The following VPS54 variants were observed in gnomAD, a reference collection of about 807,000 sequenced individuals.
VPS54 encodes the protein vacuolar protein sorting-associated protein 54.
Under a neutral mutation model 121.5 loss-of-function variants are expected in VPS54, and 45 were observed. The observed-to-expected ratio is 0.37, with a 90% CI of 0.29 to 0.47. VPS54 has a LOEUF of 0.47. Ranked by LOEUF, VPS54 falls within the 20% of genes least tolerant of loss-of-function variation. The probability of loss-of-function intolerance (pLI) is 0.99; values close to 1 mark genes in which losing one functional copy is unlikely to be tolerated. For synonymous variants in VPS54, 371 were observed against 385.8 expected (o/e 0.96, Z 0.45); for missense variants, 1,090 against 1,131.4 (o/e 0.96, Z 0.52).
intron 1 of VPS54, among the ~76,000 whole-genome samples, chr2:64,002,384 G>T (rs948120743): frequency 6.6e-6 from 1 of 152,148 alleles, no homozygotes; most frequent in Admixed American, 6.5e-5. Context: ...CTATGGAGGG[G>T]GACATCCAGT....
intron 11 of VPS54, among the ~76,000 whole-genome samples, chr2:63,940,402 T>A: frequency 6.6e-6 from 1 of 152,322 alleles, no homozygotes; most frequent in South Asian, 2.1e-4. Context: ...AAATTACAAC[T>A]ATAATCAATC....
At chr2:64,018,368 CGG>C (rs1678809162) in intron 1 of VPS54, among the ~76,000 whole-genome samples, 1 of 152,080 alleles carries the variant, frequency 6.6e-6, no homozygotes, top group African/African-American at 2.4e-5. Flanking sequence ...AAGTCAACGA[CGG>C]GAGAGCAGAA....
At chr2:63,924,062 G>C (rs1477807220) in intron 12 of VPS54, among the ~76,000 whole-genome samples, 1 of 152,192 alleles carries the variant, frequency 6.6e-6, no homozygotes, top group Non-Finnish European at 1.5e-5. Flanking sequence ...TGCTGTAGGA[G>C]GATGCAATTG....
At chr2:63,913,345 A>G in intron 17 of VPS54, 35 bp from the exon 18 acceptor site, 1 of 1,523,116 alleles carries the variant, frequency 6.6e-7, no homozygotes, top group Non-Finnish European at 9.0e-7. Flanking sequence ...CCCAAAATTT[A>G]CTAAAAACTG....
At chr2:63,987,979 GA>G (rs1286004226) in intron 1 of VPS54, among the ~76,000 whole-genome samples, 1 of 152,086 alleles carries the variant, frequency 6.6e-6, no homozygotes, top group East Asian at 1.9e-4. Context: ...AGGATAATTT[GA>G]CTCCTTCCTT....
rs1287561824 is a variant in VPS54, at chr2:63,892,959, T to C, written c.*471A>G. On this transcript the variant is annotated 3_prime_UTR_variant, in exon 23 of 23. Transcript: ENST00000272322. The stretch of plus-strand genomic sequence containing the variant: ...AAAGATCTGTAAAAAAATAATAATT[T>C]TTCAAACAGCTTTACTTTCATAGAG... 6.5e-6 allele frequency: 1 copy of C among 153,238 alleles called. No homozygotes were observed. Among genetic ancestry groups the C allele is most frequent in the Non-Finnish European group, 1.5e-5 (1 of 68,494 alleles). 9.5% of individuals were successfully genotyped at this position (153,238 alleles called of 1,614,324 possible).
chr2:63,903,161 C>T (rs774618839), intron 20 of VPS54, among the ~76,000 whole-genome samples: 3 of 152,124 alleles, frequency 2.0e-5, no homozygotes, highest in Non-Finnish European at 2.9e-5. Context: ...ACACACAGAA[C>T]TTAGACACAT....
At position 63,920,481 on chromosome 2, in the gene VPS54, T is replaced by A; in HGVS notation, c.2016A>T (p.Val672=). ...GALQSQAIKF[V]NRFHEERKTK... ...TTTTTCTCTCTTCATGAAACCTATTTACAAACTTAATAGCTTGGCTCTGAA... is the reference window on the plus strand; with the variant it reads ...TTTTTCTCTCTTCATGAAACCTATTAACAAACTTAATAGCTTGGCTCTGAA... Residue 672 remains valine (V), a synonymous_variant, in exon 14 of 23, where the codon GTA becomes GTT. Coordinates refer to ENST00000272322, the MANE Select transcript of VPS54 (RefSeq NM_016516.3). 6.4e-7 allele frequency: 1 copy of A among 1,565,994 alleles called. No individual in the cohort carries two copies. The highest frequency in any genetic ancestry group is 8.6e-7 in the Non-Finnish European group (1 of 1,157,128).
intron 21 of VPS54, among the ~76,000 whole-genome samples, chr2:63,899,265 A>T (rs1672574238): frequency 6.6e-6 from 1 of 152,234 alleles, no homozygotes; most frequent in Non-Finnish European, 1.5e-5. Context: ...TAATATAGTA[A>T]AGCTCTAGCT....
At chr2:63,904,810 A>T (rs1207254301) in intron 20 of VPS54, among the ~76,000 whole-genome samples, 1 of 152,230 alleles carries the variant, frequency 6.6e-6, no homozygotes, top group Non-Finnish European at 1.5e-5. Flanking sequence ...CTGGGCCACA[A>T]AAGAAATCTT....
intron 20 of VPS54, among the ~76,000 whole-genome samples, chr2:63,909,886 G>A (rs754980522): frequency 6.6e-5 from 10 of 150,838 alleles, no homozygotes; most frequent in South Asian, 4.2e-4. Context: ...CACCACGCCT[G>A]GCTAATTTTT....
At chr2:63,972,851 C>A (rs1676348168) in intron 3 of VPS54, among the ~76,000 whole-genome samples, 1 of 151,170 alleles carries the variant, frequency 6.6e-6, no homozygotes, top group South Asian at 2.1e-4. Context: ...GCACTCCAGC[C>A]TGGGTGGCAG....
rs553362924 is a variant in VPS54 at position 63,926,850 on chromosome 2, G to A, written c.1740-5515C>T. On this transcript the variant is annotated intron_variant, in intron 12 of 22. Coordinates refer to ENST00000272322, the MANE Select transcript of VPS54 (RefSeq NM_016516.3). ...GGAGATCCCCTCCCGTGCCTGGCTC[G>A]GTGGGTCCCACACCCACGGAGCCTT... is the stretch of plus-strand genomic sequence containing the variant. Among the ~76,000 whole-genome samples the A allele has an allele frequency of 3.3e-4, 51 of 152,242 alleles. 1 individual carries two copies. The highest frequency in any genetic ancestry group is 8.2e-4 in the African/African-American group (34 of 41,548).
rs774237097 is a variant in VPS54, at chr2:63,912,699, A to AT, written c.2423-39_2423-38insA. ...GGAGTAGATATATAATGGAGAAATAAAAAAAAAAAAGGTATTAGTTGATTT... is the reference window on the plus strand; with the variant it reads ...GGAGTAGATATATAATGGAGAAATAATAAAAAAAAAAGGTATTAGTTGATTT... On this transcript the variant is annotated intron_variant, in intron 18 of 22. Transcript: ENST00000272322. 186 of 1,437,720 alleles carry AT rather than the reference A, an allele frequency of 1.3e-4. 1 individual carries two copies. Among genetic ancestry groups the AT allele is most frequent in the African/African-American group, 5.0e-4 (33 of 66,654 alleles). The allele number at this position is 1,437,720 out of a possible 1,614,324, so 89.1% of individuals were successfully genotyped here.
chr2:64,003,043 T>G (rs919977515), intron 1 of VPS54, among the ~76,000 whole-genome samples: 11 of 152,170 alleles, frequency 7.2e-5, no homozygotes, highest in Admixed American at 7.2e-4. Context: ...ACATGGCATC[T>G]GAATCACAAA....
rs377192534 is a variant in VPS54, at chr2:63,921,318, T to C, written c.1757A>G (p.Lys586Arg). 1.4e-5 allele frequency: 22 copies of C among 1,612,456 alleles called. No homozygotes were observed. The highest frequency in any genetic ancestry group is 1.8e-5 in the Non-Finnish European group (21 of 1,179,184). The change falls in exon 13 of 23, where the codon AAA becomes AGA. Residue 586 changes from lysine to arginine, a missense_variant. Physicochemically the swap from Lys to Arg is conservative, Grantham distance 26. This residue lies in a region of VPS54 where 801 missense variants were observed against 757.0 expected (regional missense o/e 1.06). Coordinates refer to ENST00000272322, the MANE Select transcript of VPS54 (RefSeq NM_016516.3). The stretch of plus-strand genomic sequence containing the variant: ...CTTTCCTAGCTCTGAGTCAGTTAAT[T>C]TCATATCTTCACTGACCCTGAAAAT... ...GVDIMVSEDMKLTDSELGKLA... is the reference protein window; with the variant it reads ...GVDIMVSEDMRLTDSELGKLA...
At chr2:63,905,281 A>G (rs1157604446) in intron 20 of VPS54, among the ~76,000 whole-genome samples, 1 of 152,158 alleles carries the variant, frequency 6.6e-6, no homozygotes, top group Non-Finnish European at 1.5e-5. Flanking sequence ...ACATGTGATA[A>G]ACTTCTAGCC....
At chr2:63,968,032 G>A (rs1463188320) in intron 5 of VPS54, among the ~76,000 whole-genome samples, 1 of 152,148 alleles carries the variant, frequency 6.6e-6, no homozygotes, top group Non-Finnish European at 1.5e-5. Flanking sequence ...TGAACATTGA[G>A]CCTTAAATGA....
rs142091913 is a variant in VPS54, at chr2:63,986,057, C to G, written c.-20-2038G>C. Among the ~76,000 whole-genome samples, 153 of 152,120 alleles carry G rather than the reference C, an allele frequency of 1.0e-3. 1 individual carries two copies. In the East Asian group the frequency reaches 0.027, roughly 27 times the overall value. ...CTTTCTCATTAATCAAATAAAACAG[C>G]AAAAAACATTTTTGAAACTTTTTCA... On this transcript the variant is annotated intron_variant, in intron 1 of 22. Transcript: ENST00000272322.
Sources: gnomAD v4.1 joint callset for allele counts (sites outside exome capture counted in the v4.1 genomes callset) on GRCh38, gnomAD v4.1.1 for gene constraint, gnomAD v4.1.1 regional missense constraint, MANE v1.5 for transcripts, NCBI Gene and HGNC (gene_info 2026-07-23, HGNC 2026-07-21) for gene names.